Variants in ZFP64 observed in about 807,000 individuals in gnomAD.
The protein encoded by ZFP64 is zinc finger protein 64.
A neutral mutation model predicts 51.6 loss-of-function variants in ZFP64; 14 were observed. The observed-to-expected ratio is 0.27, with a 90% CI of 0.18 to 0.42. The LOEUF is 0.42. Among genes scored for constraint, ZFP64 ranks in the 10% least tolerant of loss-of-function variants. The pLI is 1.00. For missense variants in ZFP64, 754 were observed against 906.8 expected (o/e 0.83, Z 2.16); for synonymous variants, 375 against 361.4 (o/e 1.04, Z -0.43).
At chr20:52,109,100 T>C (rs1406665037) in intron 5 of ZFP64, among the ~76,000 whole-genome samples, 2 of 152,104 alleles carry the variant, frequency 1.3e-5, no homozygotes, top group Non-Finnish European at 2.9e-5. Flanking sequence ...CATTACTATA[T>C]TGTACCTGGA....
chr20:52,104,958 G>A (rs1001753456), intron 5 of ZFP64: 10 of 737,464 alleles, frequency 1.4e-5, no homozygotes, highest in African/African-American at 5.3e-5. Flanking sequence ...CCAGGAGAGT[G>A]TAATTTACAA....
chr20:52,180,425 A>C (rs73914236), intron 2 of ZFP64, among the ~76,000 whole-genome samples: 88 of 152,242 alleles, frequency 5.8e-4, no homozygotes, highest in African/African-American at 2.1e-3. Flanking sequence ...ATTGTGATAC[A>C]TGCTAGCGGA....
intron 5 of ZFP64, among the ~76,000 whole-genome samples, chr20:52,157,208 T>C (rs1218058632): frequency 6.6e-6 from 1 of 152,184 alleles, no homozygotes; most frequent in Non-Finnish European, 1.5e-5. Context: ...AAGTATGTTC[T>C]CTCAGCTGGA....
chr20:52,115,496 C>T (rs1978818235), intron 5 of ZFP64, among the ~76,000 whole-genome samples: 1 of 147,990 alleles, frequency 6.8e-6, no homozygotes, highest in African/African-American at 2.5e-5. Context: ...CCCACTGAAA[C>T]CTTGACTTCC....
chr20:52,103,803 GTGGTTGTACTATCC>G (rs1253651540), intron 5 of ZFP64, among the ~76,000 whole-genome samples: 1 of 152,234 alleles, frequency 6.6e-6, no homozygotes, highest in Non-Finnish European at 1.5e-5. Flanking sequence ...GGGCACGAGG[GTGGTTGTACTATCC>G]TGGTTATGGT....
At chr20:52,133,884 C>A (rs1979841831) in intron 5 of ZFP64, among the ~76,000 whole-genome samples, 1 of 151,810 alleles carries the variant, frequency 6.6e-6, no homozygotes. Flanking sequence ...CAAAAATTAG[C>A]TGGGCATGGT....
At chr20:52,170,538 C>A (rs1210656284) in intron 2 of ZFP64, among the ~76,000 whole-genome samples, 1 of 152,208 alleles carries the variant, frequency 6.6e-6, no homozygotes, top group Non-Finnish European at 1.5e-5. Flanking sequence ...TCCCATGTAA[C>A]CTGCGAGTCA....
intron 8 of ZFP64, among the ~76,000 whole-genome samples, chr20:52,087,949 G>A (rs151077771): frequency 8.1e-6 from 1 of 123,554 alleles, no homozygotes; most frequent in African/African-American, 3.5e-5. Flanking sequence ...ATTTTTCCAT[G>A]CCACGATGAG....
At chr20:52,109,499 G>T (rs1379701565) in intron 5 of ZFP64, among the ~76,000 whole-genome samples, 1 of 152,122 alleles carries the variant, frequency 6.6e-6, no homozygotes, top group Non-Finnish European at 1.5e-5. Flanking sequence ...TCTGTTGCTG[G>T]CTGAGTGCGG....
At chr20:52,103,451 G>A (rs1366697569) in intron 5 of ZFP64, among the ~76,000 whole-genome samples, 1 of 152,140 alleles carries the variant, frequency 6.6e-6, no homozygotes, top group African/African-American at 2.4e-5. Flanking sequence ...TGGGGTTGAG[G>A]CACACTACTG....
At chr20:52,178,793 C>T (rs140267345) in intron 2 of ZFP64, among the ~76,000 whole-genome samples, 63 of 152,254 alleles carry the variant, frequency 4.1e-4, no homozygotes, top group Non-Finnish European at 7.9e-4. Context: ...AGTTCTCCCC[C>T]CTGACTTTCC....
chr20:52,098,501 G>T (rs372501806), exon 6 of ZFP64: 1 of 1,614,162 alleles, frequency 6.2e-7, no homozygotes, highest in Non-Finnish European at 8.5e-7. Context: ...GCCTCTGAGG[G>T]AAGAGTGATG....
In ZFP64 at chr20:52,144,578, CAAAAAAAAA is replaced by C. The variant is rs1156545584; in HGVS notation, c.763+15536_763+15544del. 2.6e-4 allele frequency among the ~76,000 whole-genome samples: 6 copies of C among 23,326 alleles called. 1 individual carries two copies. The highest frequency in any genetic ancestry group is 4.8e-3 in the South Asian group (2 of 414). 15.3% of individuals were successfully genotyped at this position (23,326 alleles called of 152,430 possible). A position where few individuals can be genotyped will look rare whatever the true frequency, so the allele number is the denominator to read the frequency against. On this transcript the variant is annotated intron_variant, in intron 5 of 8. Coordinates refer to the ZFP64 transcript ENST00000361387. ...CTGGTGACAGAGCGAGACTCCGTCT[CAAAAAAAAA>C]AAAAAAAAAAAAAAATGCTGAAAGC...
At chr20:52,084,479 TCA>T (rs2078842460) in exon 9 of ZFP64, 1 of 1,397,940 alleles carries the variant, frequency 7.2e-7, no homozygotes, top group Non-Finnish European at 9.6e-7. Context: ...AGCCTGTCTC[TCA>T]GTGGCCTCAC....
intron 2 of ZFP64, among the ~76,000 whole-genome samples, chr20:52,185,458 T>G (rs1983890091): frequency 6.7e-6 from 1 of 150,362 alleles, no homozygotes; most frequent in Non-Finnish European, 1.5e-5. Context: ...TTATAAGAAT[T>G]TATATCCCCA....
chr20:52,186,326 A>AT (rs928148577), intron 2 of ZFP64, among the ~76,000 whole-genome samples: 1 of 152,048 alleles, frequency 6.6e-6, no homozygotes, highest in African/African-American at 2.4e-5. Context: ...TCTGTAATTT[A>AT]TTTTTGGTGG....
Position 52,152,770 on chromosome 20 carries a change from G to A in ZFP64, c.1422C>T (p.Pro474=), listed in dbSNP as rs367736208. Reference sequence around the variant, plus strand: ...GCACCTGGAGGTGTCCCACAGTGAGGGGCGTGGCGGGCTGCTTGCTGGGGT... The same window carrying A: ...GCACCTGGAGGTGTCCCACAGTGAGAGGCGTGGCGGGCTGCTTGCTGGGGT... The part of the protein sequence containing the change: ...QIDPSKQPAT[P]LTVGHLQVPL... Residue 474 remains proline, a synonymous_variant, in exon 6 of 6, where the codon CCC becomes CCT. Transcript: ENST00000216923. 2.7e-5 allele frequency: 43 copies of A among 1,602,082 alleles called. 1 individual carries two copies. Among genetic ancestry groups the A allele is most frequent in the East Asian group, 2.5e-4 (11 of 44,728 alleles).
At chr20:52,185,644 G>A (rs1321878951) in intron 2 of ZFP64, among the ~76,000 whole-genome samples, 1 of 143,536 alleles carries the variant, frequency 7.0e-6, no homozygotes. Flanking sequence ...GCGATGGCAC[G>A]ATCTCGGCTC....
At chr20:52,094,854 T>C (rs1459167934) in intron 7 of ZFP64, among the ~76,000 whole-genome samples, 2 of 152,212 alleles carry the variant, frequency 1.3e-5, no homozygotes, top group African/African-American at 2.4e-5. Flanking sequence ...AGCTTGGTTT[T>C]AACTTGAAAG....
Sources: allele counts gnomAD v4.1 joint callset (sites outside exome capture counted in the v4.1 genomes callset), GRCh38; gene constraint gnomAD v4.1.1; transcripts MANE v1.5; gene names NCBI Gene and HGNC (gene_info 2026-07-23, HGNC 2026-07-21).